The following ABCC4 variants were observed in gnomAD, a reference collection of about 807,000 sequenced individuals.
ABCC4 encodes the protein ATP binding cassette subfamily C member 4 (PEL blood group).
In ABCC4, 102 loss-of-function variants were observed where a neutral mutation model predicts 168.5. The observed-to-expected ratio is 0.61, with a 90% CI of 0.52 to 0.71. The LOEUF (loss-of-function observed/expected upper bound fraction) is 0.71, where lower values mean the gene tolerates loss of function less well. ABCC4 is among the 30% of genes least tolerant of loss of function. The pLI is 0.00. For missense variants in ABCC4, 1,402 were observed against 1,605.8 expected (o/e 0.87, Z 2.17); for synonymous variants, 617 against 590.7 (o/e 1.04, Z -0.65).
At chr13:95,052,938 T>C (rs577403189) in intron 27 of ABCC4, among the ~76,000 whole-genome samples, 157 bp downstream of exon 27, 1 of 152,360 alleles carries the variant, frequency 6.6e-6, no homozygotes, top group Admixed American at 6.5e-5. Context: ...ATCATCAGTA[T>C]ACACATTATA....
In ABCC4 at chr13:95,124,775, T is replaced by C. The variant is rs560791554; in HGVS notation, c.2456-8774A>G. ...GTGTGCCTGTAGTCCCGGCTACTCGTGAGGCTGAGGCAGAATTGCCTGAAC... is the reference window on the plus strand; with the variant it reads ...GTGTGCCTGTAGTCCCGGCTACTCGCGAGGCTGAGGCAGAATTGCCTGAAC... On this transcript the variant is annotated intron_variant, in intron 19 of 30. Transcript: ENST00000645237. Among the ~76,000 whole-genome samples the C allele has an allele frequency of 6.4e-3, 927 of 143,778 alleles. 4 individuals are homozygous for C. Among genetic ancestry groups the C allele is most frequent in the Non-Finnish European group, 0.011 (718 of 66,390 alleles). 94.3% of individuals were successfully genotyped at this position (143,778 alleles called of 152,430 possible).
At chr13:95,262,274 G>C (rs1197658049) in intron 1 of ABCC4, among the ~76,000 whole-genome samples, 1 of 152,228 alleles carries the variant, frequency 6.6e-6, no homozygotes, top group Non-Finnish European at 1.5e-5. Context: ...GACAGCAGGA[G>C]TCAAGTTTCT....
chr13:95,133,823 T>C (rs2036054931), intron 19 of ABCC4, among the ~76,000 whole-genome samples: 1 of 152,146 alleles, frequency 6.6e-6, no homozygotes, highest in Non-Finnish European at 1.5e-5. Context: ...ATGAAGAGGA[T>C]GTGGGTAAGC....
chr13:95,034,684 T>C lies in ABCC4; in HGVS notation c.3791A>G (p.Asn1264Ser). ...EYDEPYVLLQ[N>S]KESLFYKMVQ... is the part of the protein sequence containing the mutation. ...CATCTTGTAAAATAGGCTCTCTTTA[T>C]TTTGCAGCAAAACATACGGCTCATC... The change falls in exon 30 of 31, where the codon AAT becomes AGT. Residue 1264 changes from asparagine to serine, a missense_variant. Transcript: ENST00000645237. 1 of 1,614,246 alleles carries C rather than the reference T, an allele frequency of 6.2e-7. No individual in the cohort carries two copies. The highest frequency in any genetic ancestry group is 8.5e-7 in the Non-Finnish European group (1 of 1,180,048).
rs1164523169 is a variant in ABCC4 at position 95,161,451 on chromosome 13, T to C, written c.2309-116A>G. On this transcript the variant is annotated intron_variant, in intron 18 of 30. Coordinates refer to ENST00000645237, the MANE Select transcript of ABCC4 (RefSeq NM_005845.5). ...GTTACTTAATTTATTCCATAAAGCATCTGGATTCTACATAAGTATAATGTA... is the reference window on the plus strand; with the variant it reads ...GTTACTTAATTTATTCCATAAAGCACCTGGATTCTACATAAGTATAATGTA... The C allele has an allele frequency of 9.2e-6, 7 of 760,634 alleles. No individual in the cohort carries two copies. The South Asian group carries it at 1.8e-4, about 19-fold the overall frequency. The allele number at this position is 760,634 out of a possible 1,614,324, so 47.1% of individuals were successfully genotyped here. A position where few individuals can be genotyped will look rare whatever the true frequency, so the allele number is the denominator to read the frequency against.
chr13:95,301,295 T>A lies in ABCC4; in HGVS notation c.20A>T (p.Glu7Val), dbSNP rs754056946. The change falls in exon 1 of 31, where the codon GAG becomes GTG. Residue 7 changes from glutamate (E) to valine (V), a missense_variant. By Grantham distance (121) the Glu-to-Val change is moderately radical. This residue lies in a region of ABCC4 where 317 missense variants were observed against 345.5 expected (regional missense o/e 0.92). Coordinates refer to ENST00000645237, the MANE Select transcript of ABCC4 (RefSeq NM_005845.5). ...GTCCTGCAGCGGGTTGGGCTTCACCTCCTGGTACACGGGCAGCATCTTGCC... is the reference window on the plus strand; with the variant it reads ...GTCCTGCAGCGGGTTGGGCTTCACCACCTGGTACACGGGCAGCATCTTGCC... MLPVYQEVKPNPLQDAN... is the reference protein window; with the variant it reads MLPVYQVVKPNPLQDAN... 1.6e-5 allele frequency: 26 copies of A among 1,594,822 alleles called. No homozygotes were observed. The highest frequency in any genetic ancestry group is 1.7e-4 in the Middle Eastern group (1 of 6,010).
At chr13:95,263,270 A>G (rs11843102) in intron 1 of ABCC4, among the ~76,000 whole-genome samples, 3,309 of 152,248 alleles carry the variant, frequency 0.022, 96 homozygotes, top group East Asian at 0.087. Context: ...TAAATGGCTG[A>G]CAAAAATGTG....
At chr13:95,076,946 G>C (rs2139319326) in intron 21 of ABCC4, among the ~76,000 whole-genome samples, 1 of 151,886 alleles carries the variant, frequency 6.6e-6, no homozygotes, top group African/African-American at 2.4e-5. Flanking sequence ...TTTTCATAGA[G>C]ATGAGGGTCC....
intron 1 of ABCC4, among the ~76,000 whole-genome samples, chr13:95,277,384 C>G (rs2040997699): frequency 6.6e-6 from 1 of 152,068 alleles, no homozygotes; most frequent in African/African-American, 2.4e-5. Flanking sequence ...AGTTCGAGAC[C>G]AGCCTGGCCA....
At chr13:95,174,316 T>C (rs528446891) in intron 13 of ABCC4, among the ~76,000 whole-genome samples, 52 of 152,320 alleles carry the variant, frequency 3.4e-4, no homozygotes, top group African/African-American at 1.1e-3. Flanking sequence ...AGAAGCGTAA[T>C]TCATTCACTT....
At chr13:95,087,648 A>T (rs1158077514) in intron 20 of ABCC4, among the ~76,000 whole-genome samples, 1 of 152,232 alleles carries the variant, frequency 6.6e-6, no homozygotes, top group African/African-American at 2.4e-5. Context: ...AATCATTATC[A>T]TTACCTTCAA....
chr13:95,117,651 G>A (rs991500037), intron 19 of ABCC4, among the ~76,000 whole-genome samples: 66 of 152,010 alleles, frequency 4.3e-4, no homozygotes, highest in African/African-American at 1.5e-3. Context: ...GAAAATATAA[G>A]TTAAAAAATT....
At chr13:95,098,292 T>C (rs1348964435) in intron 20 of ABCC4, among the ~76,000 whole-genome samples, 2 of 152,050 alleles carry the variant, frequency 1.3e-5, no homozygotes, top group African/African-American at 2.4e-5. Context: ...CAGATTAATG[T>C]TCAATCTTAA....
intron 12 of ABCC4, 63 bp downstream of exon 12, chr13:95,177,934 T>C (rs1021409254): frequency 3.2e-6 from 5 of 1,561,256 alleles, no homozygotes; most frequent in African/African-American, 2.7e-5. Flanking sequence ...AGGTCCTATG[T>C]GCTCACCACC....
At chr13:95,197,570 A>C (rs2038493759) in intron 8 of ABCC4, among the ~76,000 whole-genome samples, 1 of 152,198 alleles carries the variant, frequency 6.6e-6, no homozygotes, top group African/African-American at 2.4e-5. Context: ...TTCTCTAGTC[A>C]CTCAGGAGGG....
At chr13:95,278,055 G>T (rs1217782661) in intron 1 of ABCC4, among the ~76,000 whole-genome samples, 1 of 152,168 alleles carries the variant, frequency 6.6e-6, no homozygotes, top group Non-Finnish European at 1.5e-5. Context: ...CCCCACCGCG[G>T]TCAACCCAGG....
At chr13:95,142,688 T>C (rs2036359601) in intron 19 of ABCC4, among the ~76,000 whole-genome samples, 1 of 151,870 alleles carries the variant, frequency 6.6e-6, no homozygotes, top group South Asian at 2.1e-4. Context: ...AAAGAACAAA[T>C]AGATGGCTAG....
intron 13 of ABCC4, among the ~76,000 whole-genome samples, chr13:95,171,443 G>A (rs1165372355): frequency 1.3e-5 from 2 of 151,840 alleles, no homozygotes; most frequent in Non-Finnish European, 2.9e-5. Flanking sequence ...TGTAGTCCCA[G>A]CTAGAAGGGA....
At chr13:95,126,024 C>G (rs965028806) in intron 19 of ABCC4, among the ~76,000 whole-genome samples, 11 of 152,258 alleles carry the variant, frequency 7.2e-5, no homozygotes, top group African/African-American at 2.6e-4. Flanking sequence ...CACATGTGTA[C>G]AGTTTGCATA....
Sources: allele counts gnomAD v4.1 joint callset (sites outside exome capture counted in the v4.1 genomes callset), GRCh38; gene constraint gnomAD v4.1.1; regional missense constraint gnomAD v4.1.1; transcripts MANE v1.5; gene names NCBI Gene and HGNC (gene_info 2026-07-23, HGNC 2026-07-21).